COL23A1: variants seen among roughly 807,000 people sequenced by gnomAD.
The protein encoded by COL23A1 is collagen type XXIII alpha 1 chain.
A neutral mutation model predicts 99.3 loss-of-function variants in COL23A1; 97 were observed. The observed-to-expected ratio is 0.98, with a 90% confidence interval of 0.83 to 1.16. COL23A1 has a LOEUF of 1.16. Among genes scored for constraint, COL23A1 ranks in the 50% most tolerant of loss-of-function variants. COL23A1 has a pLI of 0.00. For missense variants in COL23A1, 762 were observed against 757.4 expected (o/e 1.01, Z -0.07); for synonymous variants, 320 against 308.2 (o/e 1.04, Z -0.40).
At chr5:178,239,256 C>T (rs1764265827) in intron 27 of COL23A1, 77 bp from the exon 28 acceptor site, 1 of 1,538,456 alleles carries the variant, frequency 6.5e-7, no homozygotes, top group Admixed American at 1.7e-5. Flanking sequence ...CTCCCCTGGT[C>T]TGTAGGGAGG....
At chr5:178,536,878 C>A (rs1044540007) in intron 2 of COL23A1, among the ~76,000 whole-genome samples, 3 of 152,182 alleles carry the variant, frequency 2.0e-5, no homozygotes, top group African/African-American at 7.2e-5. Flanking sequence ...CTCTACTGAG[C>A]CCTCCGCCCC....
At chr5:178,548,059 AC>A (rs1355433957) in intron 2 of COL23A1, among the ~76,000 whole-genome samples, 1 of 15,660 alleles carries the variant, frequency 6.4e-5, no homozygotes, top group Non-Finnish European at 1.2e-4. Context: ...ACACACACAT[AC>A]CCCCCCTCAC....
rs541792381 is a variant in COL23A1 at position 178,363,892 on chromosome 5, ACACGTAGGTT to A, written c.362-56983_362-56974del. ...TCTGGCACAACCCATCTGGGTGTGG[ACACGTAGGTT>A]CACGTAATGGGATTTGTCACACGTG... is the stretch of plus-strand genomic sequence containing the variant. On this transcript the variant is annotated intron_variant, in intron 2 of 28. Coordinates refer to ENST00000390654, the MANE Select transcript of COL23A1 (RefSeq NM_173465.4). Among the ~76,000 whole-genome samples, 4 of 152,314 alleles carry A rather than the reference ACACGTAGGTT, an allele frequency of 2.6e-5. No homozygotes were observed. The East Asian group carries it at 7.7e-4, about 29-fold the overall frequency.
At chr5:178,444,902 C>G (rs1362316022) in intron 2 of COL23A1, among the ~76,000 whole-genome samples, 1 of 152,198 alleles carries the variant, frequency 6.6e-6, no homozygotes, top group African/African-American at 2.4e-5. Flanking sequence ...AAATATAATA[C>G]AGTAGCTTAC....
intron 2 of COL23A1, among the ~76,000 whole-genome samples, chr5:178,362,108 C>T (rs72820973): frequency 0.1 from 15,787 of 152,264 alleles, 866 homozygotes; most frequent in Middle Eastern, 0.16. Flanking sequence ...TTTTAGCGGA[C>T]GTCGCTGCAG....
chr5:178,360,465 C>T (rs1762114422), intron 2 of COL23A1, among the ~76,000 whole-genome samples: 1 of 152,104 alleles, frequency 6.6e-6, no homozygotes, highest in African/African-American at 2.4e-5. Context: ...CCAGGCTGGG[C>T]CTCATGTGGG....
intron 22 of COL23A1, 109 bp downstream of exon 22, chr5:178,247,417 G>A (rs1173147105): frequency 3.1e-6 from 4 of 1,275,412 alleles, no homozygotes; most frequent in Non-Finnish European, 1.1e-6. Flanking sequence ...AAGACTCAGG[G>A]ATGGGCCAGG....
intron 1 of COL23A1, among the ~76,000 whole-genome samples, chr5:178,573,506 C>A (rs1763208286): frequency 6.6e-6 from 1 of 152,242 alleles, no homozygotes; most frequent in Admixed American, 6.5e-5. Flanking sequence ...TCAGCAAACG[C>A]ATTTCCTCAA....
intron 5 of COL23A1, among the ~76,000 whole-genome samples, chr5:178,279,341 C>T (rs1282323810): frequency 1.3e-5 from 2 of 152,244 alleles, no homozygotes; most frequent in Non-Finnish European, 2.9e-5. Context: ...CAGTGACCAG[C>T]CACATGGCTC....
At chr5:178,424,962 AG>A (rs1765830948) in intron 2 of COL23A1, among the ~76,000 whole-genome samples, 2 of 152,218 alleles carry the variant, frequency 1.3e-5, no homozygotes, top group South Asian at 4.1e-4. Context: ...ATGGACTGTC[AG>A]GGAAGCGAGC....
chr5:178,523,187 T>TAA (rs1581562173), intron 2 of COL23A1, among the ~76,000 whole-genome samples: 1 of 63,280 alleles, frequency 1.6e-5, no homozygotes, highest in African/African-American at 5.3e-5. Flanking sequence ...TACACATATA[T>TAA]ATATATATAT....
intron 8 of COL23A1, 127 bp downstream of exon 8, chr5:178,267,180 G>A (rs1581486768): frequency 9.7e-7 from 1 of 1,028,482 alleles, no homozygotes; most frequent in Non-Finnish European, 1.5e-6. Context: ...GGGTGGGGAA[G>A]AGCCCTCTTG....
chr5:178,312,463 T>C (rs1252637965), intron 2 of COL23A1, among the ~76,000 whole-genome samples: 1 of 152,072 alleles, frequency 6.6e-6, no homozygotes, highest in East Asian at 1.9e-4. Flanking sequence ...TCATCTCTGG[T>C]TGGGGTGGAG....
chr5:178,271,357 C>T (rs902455044), intron 5 of COL23A1, among the ~76,000 whole-genome samples: 1 of 152,224 alleles, frequency 6.6e-6, no homozygotes, highest in Admixed American at 6.5e-5. Context: ...ACTTCTGAAC[C>T]TTTGCACACA....
intron 2 of COL23A1, among the ~76,000 whole-genome samples, chr5:178,530,501 T>C (rs1263890109): frequency 6.6e-6 from 1 of 152,144 alleles, no homozygotes; most frequent in Admixed American, 6.6e-5. Context: ...CCTTTGAATA[T>C]GAGCCAGACA....
At chr5:178,332,902 G>A (rs1760109960) in intron 2 of COL23A1, among the ~76,000 whole-genome samples, 2 of 151,756 alleles carry the variant, frequency 1.3e-5, no homozygotes, top group South Asian at 4.2e-4. Flanking sequence ...GCCAGACATC[G>A]GGATTTTGAT....
At chr5:178,492,900 C>A (rs1758005691) in intron 2 of COL23A1, among the ~76,000 whole-genome samples, 1 of 152,052 alleles carries the variant, frequency 6.6e-6, no homozygotes, top group South Asian at 2.1e-4. Context: ...AGTTCCTTGT[C>A]CGTGAAATGC....
chr5:178,435,580 G>C (rs1317923816), intron 2 of COL23A1, among the ~76,000 whole-genome samples: 2 of 152,192 alleles, frequency 1.3e-5, no homozygotes, highest in Non-Finnish European at 2.9e-5. Context: ...CTCAGACTGA[G>C]TTACTTCACC....
intron 27 of COL23A1, among the ~76,000 whole-genome samples, chr5:178,241,274 TGCCTGAAACCACTGGGGCTGGTGG>T (rs1764382515): frequency 6.6e-6 from 1 of 151,674 alleles, no homozygotes; most frequent in African/African-American, 2.4e-5. Flanking sequence ...CAGGCACCAG[TGCCTGAAACCACTGGGGCTGGTGG>T]GCTGCCAAAG....
Sources: gnomAD v4.1 joint callset for allele counts (sites outside exome capture counted in the v4.1 genomes callset) on GRCh38, gnomAD v4.1.1 for gene constraint, MANE v1.5 for transcripts, NCBI Gene and HGNC (gene_info 2026-07-23, HGNC 2026-07-21) for gene names.